ERBB4: variants seen among roughly 807,000 people sequenced by gnomAD.
ERBB4 encodes erb-b2 receptor tyrosine kinase 4, also known as receptor tyrosine-protein kinase erbB-4.
ERBB4 carries 42 observed loss-of-function variants against 158.0 expected under a neutral mutation model. The observed-to-expected ratio is 0.27, with a 90% CI of 0.21 to 0.34. ERBB4 has a LOEUF of 0.34. Among genes scored for constraint, ERBB4 ranks in the 10% least tolerant of loss-of-function variants. The pLI, the probability that ERBB4 is intolerant of heterozygous loss-of-function variation, is 1.00. For missense variants in ERBB4, 1,333 were observed against 1,624.1 expected (o/e 0.82, Z 3.08); for synonymous variants, 583 against 558.7 (o/e 1.04, Z -0.61).
intron 4 of ERBB4, among the ~76,000 whole-genome samples, chr2:211,761,018 A>T (rs1179183200): frequency 6.6e-6 from 1 of 151,964 alleles, no homozygotes; most frequent in African/African-American, 2.4e-5. Context: ...AACATAGTGA[A>T]ACCCCGTCTC....
At chr2:211,823,735 G>T (rs936311099) in intron 3 of ERBB4, among the ~76,000 whole-genome samples, 1 of 151,950 alleles carries the variant, frequency 6.6e-6, no homozygotes, top group Non-Finnish European at 1.5e-5. Flanking sequence ...ATTAATCAAT[G>T]ATGGGGCTTC....
intron 20 of ERBB4, among the ~76,000 whole-genome samples, chr2:211,552,671 T>C (rs1359573055): frequency 2.6e-5 from 4 of 152,246 alleles, no homozygotes; most frequent in Admixed American, 2.6e-4. Flanking sequence ...AGGAAGGTTT[T>C]AGGATTTTGA....
intron 4 of ERBB4, among the ~76,000 whole-genome samples, chr2:211,781,212 T>C (rs1305891315): frequency 6.6e-6 from 1 of 152,202 alleles, no homozygotes; most frequent in Non-Finnish European, 1.5e-5. Context: ...AAGCTAGTTA[T>C]ATGTAATACA....
chr2:211,421,604 CT>C (rs2063516069), intron 24 of ERBB4, among the ~76,000 whole-genome samples: 1 of 151,652 alleles, frequency 6.6e-6, no homozygotes, highest in Non-Finnish European at 1.5e-5. Context: ...TATACTGAAA[CT>C]TTTGATTCAC....
chr2:212,402,078 T>C (rs2091223595), intron 1 of ERBB4, among the ~76,000 whole-genome samples: 1 of 152,162 alleles, frequency 6.6e-6, no homozygotes, highest in Admixed American at 6.6e-5. Context: ...TCACAGCAAC[T>C]TTATTTGTAA....
intron 25 of ERBB4, among the ~76,000 whole-genome samples, chr2:211,409,608 C>T (rs1166122421): frequency 1.3e-5 from 2 of 152,224 alleles, no homozygotes; most frequent in East Asian, 1.9e-4. Flanking sequence ...AGGCATAAAT[C>T]GAGCAGGGGC....
At position 211,380,857 on chromosome 2, in the gene ERBB4, GTTTGT is replaced by G. The variant is rs1356169562; in HGVS notation, c.*2753_*2757del. On this transcript the variant is annotated 3_prime_UTR_variant, in exon 28 of 28. Coordinates refer to ENST00000342788, the MANE Select transcript of ERBB4 (RefSeq NM_005235.3). ...ATTTCTGTTACCTTAACAGTTAAAA[GTTTGT>G]TTTAACTATTCATTTTTTCCTTCTC... 4.3e-6 allele frequency: 1 copy of G among 231,452 alleles called. No homozygotes were observed. Among genetic ancestry groups the G allele is most frequent in the Non-Finnish European group, 8.5e-6 (1 of 117,152 alleles). 14.3% of individuals were successfully genotyped at this position (231,452 alleles called of 1,614,324 possible). A position where few individuals can be genotyped will look rare whatever the true frequency, so the allele number is the denominator to read the frequency against.
rs1252213134 is a variant in ERBB4 at position 212,503,801 on chromosome 2, GT to G, written c.82+34647del. Among the ~76,000 whole-genome samples, 5 of 152,022 alleles carry G rather than the reference GT, an allele frequency of 3.3e-5. No homozygotes were observed. The East Asian group carries it at 9.6e-4, about 29-fold the overall frequency. ...TTACTTTGTGGTATTTACCACGGGT[GT>G]TTTTGAATTTTTGAAGGTCCTGTCT... On this transcript the variant is annotated intron_variant, in intron 1 of 27. Transcript: ENST00000342788.
chr2:212,303,888 T>A (rs1249636549), intron 1 of ERBB4, among the ~76,000 whole-genome samples: 1 of 151,534 alleles, frequency 6.6e-6, no homozygotes, highest in Non-Finnish European at 1.5e-5. Context: ...ATGGACTCTA[T>A]AACAAAATTA....
At chr2:212,249,954 C>T (rs1229887949) in intron 1 of ERBB4, among the ~76,000 whole-genome samples, 4 of 151,838 alleles carry the variant, frequency 2.6e-5, no homozygotes, top group East Asian at 3.9e-4. Flanking sequence ...ATCAGTTGCA[C>T]GATGTAAAGG....
chr2:212,491,125 G>C (rs1460771008), intron 1 of ERBB4, among the ~76,000 whole-genome samples: 13 of 151,504 alleles, frequency 8.6e-5, no homozygotes, highest in Admixed American at 5.9e-4. Context: ...AAATCAAATG[G>C]ACTGAATGAT....
At chr2:212,438,115 G>A (rs150594826) in intron 1 of ERBB4, among the ~76,000 whole-genome samples, 12 of 151,958 alleles carry the variant, frequency 7.9e-5, no homozygotes, top group Middle Eastern at 3.4e-3. Context: ...CTAGACTAGT[G>A]CTCATAATTC....
intron 1 of ERBB4, among the ~76,000 whole-genome samples, chr2:212,289,421 G>C (rs1463293187): frequency 6.6e-6 from 1 of 152,256 alleles, no homozygotes; most frequent in African/African-American, 2.4e-5. Flanking sequence ...TTCTTGGTTA[G>C]TAAATATTTA....
At chr2:211,682,054 A>T (rs1170935181) in intron 12 of ERBB4, among the ~76,000 whole-genome samples, 3 of 89,528 alleles carry the variant, frequency 3.4e-5, no homozygotes, top group Non-Finnish European at 2.3e-5. Context: ...TACACATCAC[A>T]CACACACACA....
intron 1 of ERBB4, among the ~76,000 whole-genome samples, chr2:212,181,320 A>G (rs1406074177): frequency 6.6e-6 from 1 of 151,818 alleles, no homozygotes; most frequent in African/African-American, 2.4e-5. Flanking sequence ...TGGGCTGCCA[A>G]TATTGAATAT....
At chr2:211,693,137 C>A (rs1057359023) in intron 12 of ERBB4, among the ~76,000 whole-genome samples, 1 of 151,964 alleles carries the variant, frequency 6.6e-6, no homozygotes, top group African/African-American at 2.4e-5. Flanking sequence ...AGGTGAGAGG[C>A]AGTAGTGACA....
At chr2:212,061,453 CAAAAAAAAAAAAAAA>C (rs754237880) in intron 2 of ERBB4, among the ~76,000 whole-genome samples, 47 of 22,812 alleles carry the variant, frequency 2.1e-3, no homozygotes, top group East Asian at 0.014. Flanking sequence ...ACTCTGTCTC[CAAAAAAAAAAAAAAA>C]AAAAAAAAAA....
chr2:212,169,797 T>G (rs113304900), intron 1 of ERBB4, among the ~76,000 whole-genome samples: 12 of 152,254 alleles, frequency 7.9e-5, no homozygotes, highest in African/African-American at 2.9e-4. Context: ...ATCAAGAGTT[T>G]GATGGTTTCT....
chr2:211,562,240 T>C, intron 19 of ERBB4, 152 bp from the exon 20 acceptor site: 1 of 701,844 alleles, frequency 1.4e-6, no homozygotes, highest in Non-Finnish European at 2.5e-6. Flanking sequence ...TCAGTTATTC[T>C]ATCTTTAAAG....
Sources: gnomAD v4.1 joint callset for allele counts (sites outside exome capture counted in the v4.1 genomes callset) on GRCh38, gnomAD v4.1.1 for gene constraint, MANE v1.5 for transcripts, NCBI Gene and HGNC (gene_info 2026-07-23, HGNC 2026-07-21) for gene names.